The following PP2D1 variants were observed in gnomAD, a reference collection of about 807,000 sequenced individuals.
The protein encoded by PP2D1 is protein phosphatase 2C-like domain-containing protein 1.
In PP2D1, 25 loss-of-function variants were observed where a neutral mutation model predicts 30.2. The observed-to-expected ratio is 0.83, with a 90% CI of 0.60 to 1.16. The LOEUF (loss-of-function observed/expected upper bound fraction) is 1.16. Among genes scored for constraint, PP2D1 ranks in the 50% most tolerant of loss-of-function variants. The pLI is 0.00. For missense variants in PP2D1, 760 were observed against 742.4 expected, an observed-to-expected ratio of 1.02 and a Z score of -0.28; for synonymous variants, 260 against 258.9, an observed-to-expected ratio of 1.00 and a Z score of -0.04.
At chr3:20,005,287 G>A (rs1357580836) in intron 1 of PP2D1, among the ~76,000 whole-genome samples, 2 of 151,862 alleles carry the variant, frequency 1.3e-5, no homozygotes, top group Non-Finnish European at 2.9e-5. Flanking sequence ...CAAGTAGCTG[G>A]GATTACAGGC....
At chr3:19,987,216 A>G (rs1697051027) in intron 2 of PP2D1, among the ~76,000 whole-genome samples, 1 of 152,092 alleles carries the variant, frequency 6.6e-6, no homozygotes, top group Admixed American at 6.6e-5. Flanking sequence ...TACAGTTTAA[A>G]CATGATCTGA....
intron 1 of PP2D1, among the ~76,000 whole-genome samples, chr3:20,003,394 T>A (rs2948106): frequency 0.075 from 11,336 of 150,672 alleles, 445 homozygotes; most frequent in Non-Finnish European, 0.082. Flanking sequence ...GTTTTTTTTT[T>A]TAAAAAAAAG....
intron 2 of PP2D1, among the ~76,000 whole-genome samples, chr3:19,993,333 T>C (rs115474416): frequency 0.026 from 4,029 of 152,252 alleles, 169 homozygotes; most frequent in African/African-American, 0.091. Flanking sequence ...CTGGATAATA[T>C]AGCAGAAAGT....
At position 20,012,151 on chromosome 3, in the gene PP2D1, G is replaced by T; in HGVS notation, c.-79C>A. ...CTATTTCTCCAACTTGAGTAGTGAT[G>T]GTGATGGTGGAGGTAGAGGTGAATG... On this transcript the variant is annotated 5_prime_UTR_variant, in exon 1 of 3. Transcript: ENST00000389050. 8.4e-7 allele frequency: 1 copy of T among 1,186,408 alleles called. No individual in the cohort carries two copies. The highest frequency in any genetic ancestry group is 1.2e-6 in the Non-Finnish European group (1 of 838,050). The allele number at this position is 1,186,408 out of a possible 1,614,324, so 73.5% of individuals were successfully genotyped here.
chr3:19,985,278 T>G, downstream of PP2D1: 1 of 793,186 alleles, frequency 1.3e-6, no homozygotes, highest in Admixed American at 3.0e-5. Context: ...TTTACTATGT[T>G]CATAAAATTA....
downstream of PP2D1, chr3:19,983,616 C>A (rs1177830249): frequency 3.4e-6 from 3 of 875,508 alleles, no homozygotes; most frequent in Non-Finnish European, 5.6e-6. Flanking sequence ...TTGGGGGTAA[C>A]CTAACTGGAA....
chr3:19,987,185 T>C (rs1267928469), intron 2 of PP2D1, among the ~76,000 whole-genome samples: 1 of 152,184 alleles, frequency 6.6e-6, no homozygotes, highest in Non-Finnish European at 1.5e-5. Context: ...GAATCTGTGA[T>C]GGTGTGCTTC....
chr3:20,009,028 A>G (rs1258039649), intron 1 of PP2D1, among the ~76,000 whole-genome samples: 1 of 152,222 alleles, frequency 6.6e-6, no homozygotes, highest in Non-Finnish European at 1.5e-5. Flanking sequence ...ATGTAAAATT[A>G]ATTAAGAAAC....
chr3:19,997,496 G>C (rs1275455049), intron 2 of PP2D1, among the ~76,000 whole-genome samples: 1 of 152,146 alleles, frequency 6.6e-6, no homozygotes, highest in Non-Finnish European at 1.5e-5. Flanking sequence ...ATAGATGTTT[G>C]AGTCATGGGG....
intron 1 of PP2D1, among the ~76,000 whole-genome samples, chr3:20,009,826 A>C (rs1416784445): frequency 6.6e-6 from 1 of 152,218 alleles, no homozygotes; most frequent in Non-Finnish European, 1.5e-5. Context: ...AATTCCATGA[A>C]GCGTACAACT....
intron 2 of PP2D1, among the ~76,000 whole-genome samples, chr3:19,986,732 A>C (rs1697042041): frequency 6.6e-6 from 1 of 152,122 alleles, no homozygotes; most frequent in Non-Finnish European, 1.5e-5. Context: ...TAATGTGTAG[A>C]TTCTAAAATT....
chr3:19,988,468 C>A (rs950326703), intron 2 of PP2D1, among the ~76,000 whole-genome samples: 2 of 152,130 alleles, frequency 1.3e-5, no homozygotes, highest in Admixed American at 1.3e-4. Flanking sequence ...AACCCTGTCT[C>A]CTGATAAGAT....
Position 19,985,451 on chromosome 3 carries a change from C to G in PP2D1, c.1822G>C (p.Ala608Pro), listed in dbSNP as rs1025641215. The G allele has an allele frequency of 1.3e-6, 2 of 1,535,938 alleles. No homozygotes were observed. The highest frequency in any genetic ancestry group is 2.4e-5 in the East Asian group (1 of 40,920). ...ACTGTAATGTTGTCTCTGGAGCCAG[C>G]CAGTAAAGCAGCATTTACAAGTTCA... ...SHELVNAALL[A>P]GSRDNITVMV... is the part of the protein sequence containing the mutation. The change falls in exon 3 of 3, where the codon GCT (alanine) becomes CCT (proline). Residue 608 changes from alanine (A) to proline (P), a missense_variant. By Grantham distance (27) the Ala-to-Pro change is conservative (BLOSUM62 -1). Transcript: ENST00000389050.
At chr3:19,986,563 T>C (rs1216131377) in intron 2 of PP2D1, among the ~76,000 whole-genome samples, 1 of 152,210 alleles carries the variant, frequency 6.6e-6, no homozygotes, top group African/African-American at 2.4e-5. Context: ...TTAAATGTTT[T>C]TAAGATAAAT....
downstream of PP2D1, chr3:19,983,897 C>T: frequency 1.0e-6 from 1 of 1,001,436 alleles, no homozygotes. Context: ...GAGCATTTAA[C>T]CAGCCCAGTA....
At chr3:19,993,891 C>A (rs1697146816) in intron 2 of PP2D1, among the ~76,000 whole-genome samples, 1 of 151,954 alleles carries the variant, frequency 6.6e-6, no homozygotes, top group South Asian at 2.1e-4. Context: ...GGTGCCCACC[C>A]CCGGCTAATT....
chr3:20,003,922 T>C (rs1488340414), intron 1 of PP2D1, among the ~76,000 whole-genome samples: 1 of 152,142 alleles, frequency 6.6e-6, no homozygotes, highest in Non-Finnish European at 1.5e-5. Flanking sequence ...GTTGTAAAAA[T>C]TTAAACGTTT....
At chr3:20,000,195 A>G (rs1456723372) in intron 2 of PP2D1, among the ~76,000 whole-genome samples, 5 of 152,246 alleles carry the variant, frequency 3.3e-5, no homozygotes, top group East Asian at 1.9e-4. Flanking sequence ...TGAACAAATT[A>G]TCTCACATTT....
At chr3:20,006,071 C>A (rs936672618) in intron 1 of PP2D1, among the ~76,000 whole-genome samples, 2 of 152,008 alleles carry the variant, frequency 1.3e-5, no homozygotes, top group Admixed American at 1.3e-4. Flanking sequence ...ATGGTGGAAC[C>A]CTGTCTCTAC....
Sources: gnomAD v4.1 joint callset for allele counts (sites outside exome capture counted in the v4.1 genomes callset) on GRCh38, gnomAD v4.1.1 for gene constraint, MANE v1.5 for transcripts, NCBI Gene and HGNC (gene_info 2026-07-23, HGNC 2026-07-21) for gene names.